Variants in DCC observed in about 807,000 individuals in gnomAD.
DCC encodes the protein DCC netrin 1 receptor, also known as netrin receptor DCC.
A neutral mutation model predicts 172.5 loss-of-function variants in DCC; 58 were observed. The ratio of observed to expected loss-of-function variants is 0.34; its 90% CI spans 0.27 to 0.42. DCC has a LOEUF of 0.42. Ranked by LOEUF, DCC falls within the 10% of genes least tolerant of loss-of-function variation. The pLI is 1.00. For missense variants in DCC, 1,740 were observed against 1,791.0 expected (o/e 0.97, Z 0.51); for synonymous variants, 709 against 644.5 (o/e 1.10, Z -1.52).
chr18:53,187,210 C>T (rs2055295892), intron 9 of DCC, among the ~76,000 whole-genome samples: 2 of 151,382 alleles, frequency 1.3e-5, no homozygotes, highest in African/African-American at 4.9e-5. Flanking sequence ...GCAACCTCCA[C>T]GTCCTGAGTT....
rs566215699 is a variant in DCC, at chr18:52,544,563, G to A, written c.91+203685G>A. On this transcript the variant is annotated intron_variant, in intron 1 of 28. Coordinates refer to ENST00000442544, the MANE Select transcript of DCC (RefSeq NM_005215.4). ...TTTTATATCAAGAACAGTTGACTCA[G>A]TGTGCTGGGGCTGTAGTTCACACCC... Among the ~76,000 whole-genome samples, 7 of 152,032 alleles carry A rather than the reference G, an allele frequency of 4.6e-5. No individual in the cohort carries two copies. The East Asian group carries it at 9.7e-4, about 21-fold the overall frequency.
chr18:53,320,327 C>T (rs1388945811), intron 13 of DCC, among the ~76,000 whole-genome samples: 2 of 152,112 alleles, frequency 1.3e-5, no homozygotes, highest in Admixed American at 1.3e-4. Flanking sequence ...CCGCCTCGGC[C>T]TCCCAAAGTG....
Position 52,943,910 on chromosome 18 carries a change from C to T in DCC, c.985+18540C>T, listed in dbSNP as rs146952975. ...GGCCGCAGGTGCCTGCCACGACAACCGGCTAACGACTTTTTTTCTGTATTT... is the reference window on the plus strand; with the variant it reads ...GGCCGCAGGTGCCTGCCACGACAACTGGCTAACGACTTTTTTTCTGTATTT... On this transcript the variant is annotated intron_variant, in intron 5 of 28. Transcript: ENST00000442544. 5.4e-3 allele frequency among the ~76,000 whole-genome samples: 816 copies of T among 152,144 alleles called. 7 individuals carry two copies. Among genetic ancestry groups the T allele is most frequent in the Middle Eastern group, 0.017 (5 of 294 alleles).
chr18:52,554,167 G>A (rs2032849457), intron 1 of DCC, among the ~76,000 whole-genome samples: 1 of 152,000 alleles, frequency 6.6e-6, no homozygotes. Context: ...AAGTAGAAAT[G>A]GCCTCAAGTT....
intron 14 of DCC, among the ~76,000 whole-genome samples, chr18:53,325,693 C>T (rs889111672): frequency 6.6e-6 from 1 of 152,178 alleles, no homozygotes; most frequent in Non-Finnish European, 1.5e-5. Flanking sequence ...TTTCTATGCT[C>T]TTGGCTTAAT....
chr18:52,611,257 C>T (rs2034271651), intron 1 of DCC, among the ~76,000 whole-genome samples: 1 of 152,092 alleles, frequency 6.6e-6, no homozygotes, highest in African/African-American at 2.4e-5. Context: ...CCCTCCCTGC[C>T]ATCTTTCCTC....
chr18:53,190,458 C>CTGTGTGTGTGTGTGTGTGTGTGTGTGTG (rs67103778), intron 9 of DCC, among the ~76,000 whole-genome samples: 2 of 146,262 alleles, frequency 1.4e-5, no homozygotes, highest in Non-Finnish European at 3.0e-5. Context: ...ACTGCTAACT[C>CTGTGTGTGTGTGTGTGTGTGTGTGTGTG]TGTGTGTGTG....
chr18:52,676,229 T>G (rs2035644428), intron 1 of DCC, among the ~76,000 whole-genome samples: 2 of 152,228 alleles, frequency 1.3e-5, no homozygotes, highest in Admixed American at 1.3e-4. Flanking sequence ...TTAACCATTC[T>G]GAGTATATTT....
chr18:52,801,394 A>G (rs1381491598), intron 2 of DCC, among the ~76,000 whole-genome samples: 1 of 152,254 alleles, frequency 6.6e-6, no homozygotes, highest in Non-Finnish European at 1.5e-5. Flanking sequence ...TATATGGATT[A>G]ACTCAATTTT....
intron 1 of DCC, among the ~76,000 whole-genome samples, chr18:52,655,002 C>T (rs772356835): frequency 5.9e-5 from 9 of 152,186 alleles, no homozygotes; most frequent in Non-Finnish European, 1.2e-4. Context: ...TTTGCCCATG[C>T]TGAATTGTGG....
At chr18:53,518,044 G>T (rs544654030) in intron 27 of DCC, among the ~76,000 whole-genome samples, 73 of 152,128 alleles carry the variant, frequency 4.8e-4, no homozygotes, top group Middle Eastern at 6.8e-3. Context: ...AAGTGTAAAT[G>T]ATTATGTGAC....
intron 1 of DCC, among the ~76,000 whole-genome samples, chr18:52,485,823 A>G (rs1043415279): frequency 3.3e-5 from 5 of 152,168 alleles, no homozygotes; most frequent in African/African-American, 1.2e-4. Context: ...GAATAATTCA[A>G]CAGTGGAATA....
At chr18:53,018,745 A>G (rs994949029) in intron 5 of DCC, among the ~76,000 whole-genome samples, 1 of 152,176 alleles carries the variant, frequency 6.6e-6, no homozygotes, top group Non-Finnish European at 1.5e-5. Flanking sequence ...GTGCATACTG[A>G]AGATACACCT....
At chr18:53,436,433 G>A (rs117375422) in intron 22 of DCC, among the ~76,000 whole-genome samples, 1 of 152,142 alleles carries the variant, frequency 6.6e-6, no homozygotes, top group Non-Finnish European at 1.5e-5. Flanking sequence ...ATCCAGAAAG[G>A]AAGTCAAAAT....
At chr18:52,518,695 G>A (rs2031715755) in intron 1 of DCC, among the ~76,000 whole-genome samples, 1 of 152,214 alleles carries the variant, frequency 6.6e-6, no homozygotes, top group African/African-American at 2.4e-5. Flanking sequence ...GTTCTCGTGT[G>A]TATGTGCCCA....
At chr18:53,176,555 G>T (rs2055098072) in intron 8 of DCC, among the ~76,000 whole-genome samples, 1 of 151,910 alleles carries the variant, frequency 6.6e-6, no homozygotes, top group Non-Finnish European at 1.5e-5. Context: ...AGACATTTAT[G>T]CAGCCAAAAA....
intron 1 of DCC, among the ~76,000 whole-genome samples, chr18:52,527,260 C>T (rs2032011333): frequency 6.6e-6 from 1 of 152,056 alleles, no homozygotes; most frequent in Admixed American, 6.6e-5. Flanking sequence ...TAATGGTATC[C>T]ACATACTGTA....
At chr18:53,022,823 A>G (rs2041900352) in intron 5 of DCC, among the ~76,000 whole-genome samples, 1 of 152,046 alleles carries the variant, frequency 6.6e-6, no homozygotes, top group Non-Finnish European at 1.5e-5. Context: ...ATGACTGTAA[A>G]AAAATCCTGA....
At chr18:52,527,748 T>A (rs1391123367) in intron 1 of DCC, among the ~76,000 whole-genome samples, 2 of 152,208 alleles carry the variant, frequency 1.3e-5, no homozygotes, top group Non-Finnish European at 2.9e-5. Context: ...GTCCTGAGAT[T>A]AATTTTGTTC....
Sources: allele counts gnomAD v4.1 joint callset (sites outside exome capture counted in the v4.1 genomes callset), GRCh38; gene constraint gnomAD v4.1.1; transcripts MANE v1.5; gene names NCBI Gene and HGNC (gene_info 2026-07-23, HGNC 2026-07-21).